UNC50: variants seen among roughly 807,000 people sequenced by gnomAD.
UNC50 encodes the protein protein unc-50 homolog.
Under a neutral mutation model 31.5 loss-of-function variants are expected in UNC50, and 24 were observed. The observed-to-expected ratio is 0.76, with a 90% confidence interval of 0.55 to 1.07. The LOEUF is 1.07. Ranked by LOEUF, UNC50 falls within the 50% of genes least tolerant of loss-of-function variation. UNC50 has a pLI of 0.00. For missense variants in UNC50, 245 were observed against 304.2 expected, an observed-to-expected ratio of 0.81 and a Z score of 1.45; for synonymous variants, 118 against 114.7, an observed-to-expected ratio of 1.03 and a Z score of -0.18.
At position 98,614,544 on chromosome 2, in the gene UNC50, G is replaced by C. The variant is rs558767354; in HGVS notation, c.402-1663G>C. On this transcript the variant is annotated intron_variant, in intron 3 of 5. Transcript: ENST00000357765. ...GGGCCATGATGAGCCTCTGACTGGC[G>C]TTAATATGGAGCTGGGAGGTGAAAA... is the stretch of plus-strand genomic sequence containing the variant. Among the ~76,000 whole-genome samples, 25 of 152,284 alleles carry C rather than the reference G, an allele frequency of 1.6e-4. No homozygotes were observed. In the South Asian group the frequency reaches 5.2e-3, roughly 32 times the overall value.
At chr2:98,610,976 G>A (rs914665093) in intron 3 of UNC50, 81 bp downstream of exon 3, 1 of 1,465,926 alleles carries the variant, frequency 6.8e-7, no homozygotes, top group Non-Finnish European at 9.1e-7. Context: ...AGCAGCAGAT[G>A]GAAATTGAAA....
chr2:98,618,003 G>GGAA (rs1700961480), intron 5 of UNC50, 165 bp from the exon 6 acceptor site: 3 of 718,180 alleles, frequency 4.2e-6, no homozygotes, highest in East Asian at 2.9e-5. Context: ...AGAGGGGTTG[G>GGAA]GAAGAGTAGT....
intron 3 of UNC50, among the ~76,000 whole-genome samples, chr2:98,614,394 A>G (rs1700887297): frequency 6.6e-6 from 1 of 152,180 alleles, no homozygotes; most frequent in African/African-American, 2.4e-5. Flanking sequence ...TAGATGACTG[A>G]GGAAGCAGCA....
At chr2:98,611,400 TTC>T (rs1314857325) in intron 3 of UNC50, among the ~76,000 whole-genome samples, 1 of 152,226 alleles carries the variant, frequency 6.6e-6, no homozygotes, top group East Asian at 1.9e-4. Context: ...TGATCTGCCT[TTC>T]ACTGAATACA....
At chr2:98,610,220 T>TG (rs1700802551) in intron 2 of UNC50, among the ~76,000 whole-genome samples, 181 bp downstream of exon 2, 1 of 152,188 alleles carries the variant, frequency 6.6e-6, no homozygotes, top group African/African-American at 2.4e-5. Flanking sequence ...CCCAAGCAGA[T>TG]GCCAGAGTAA....
At chr2:98,611,729 T>G (rs1312584036) in intron 3 of UNC50, among the ~76,000 whole-genome samples, 2 of 152,190 alleles carry the variant, frequency 1.3e-5, no homozygotes, top group African/African-American at 4.8e-5. Flanking sequence ...ATTTAGCCAG[T>G]TCTGCTTAAG....
At chr2:98,608,747 T>G (rs1700757110) in intron 1 of UNC50, 21 bp downstream of exon 1, 1 of 342,836 alleles carries the variant, frequency 2.9e-6, no homozygotes, top group East Asian at 8.0e-5. Flanking sequence ...AGGACCACTC[T>G]GCCCTCCCGC....
At chr2:98,614,842 G>A (rs562174125) in intron 3 of UNC50, among the ~76,000 whole-genome samples, 2 of 152,260 alleles carry the variant, frequency 1.3e-5, no homozygotes, top group East Asian at 3.9e-4. Context: ...GAAATGCAGG[G>A]ACTGTTAACA....
At chr2:98,615,748 G>A (rs1208314660) in intron 3 of UNC50, among the ~76,000 whole-genome samples, 3 of 152,160 alleles carry the variant, frequency 2.0e-5, no homozygotes, top group South Asian at 2.1e-4. Flanking sequence ...GGCTTCTCAC[G>A]TCACCAGGAA....
intron 3 of UNC50, among the ~76,000 whole-genome samples, chr2:98,612,852 C>G (rs1447823033): frequency 6.6e-6 from 1 of 152,214 alleles, no homozygotes; most frequent in Non-Finnish European, 1.5e-5. Flanking sequence ...GTACTGTAGT[C>G]TTTTAAGTGT....
At chr2:98,618,073 C>T in intron 5 of UNC50, 95 bp from the exon 6 acceptor site, 1 of 1,281,948 alleles carries the variant, frequency 7.8e-7, no homozygotes, top group Non-Finnish European at 1.0e-6. Context: ...CCCTTCCACC[C>T]CACATGTTGA....
In UNC50 at chr2:98,615,085, G is replaced by C. The variant is rs569174974; in HGVS notation, c.402-1122G>C. Among the ~76,000 whole-genome samples the C allele has an allele frequency of 9.8e-5, 15 of 152,306 alleles. No individual in the cohort carries two copies. The East Asian group carries it at 2.7e-3, about 27-fold the overall frequency. ...AACTAGTAGGCCATGTTGTAGAACA[G>C]TGACATACACTTGAATAATTGTTCT... On this transcript the variant is annotated intron_variant, in intron 3 of 5. Transcript: ENST00000357765.
chr2:98,613,040 TTC>T (rs1700862158), intron 3 of UNC50, among the ~76,000 whole-genome samples: 3 of 152,328 alleles, frequency 2.0e-5, no homozygotes, highest in African/African-American at 7.2e-5. Flanking sequence ...AAACTACAGT[TTC>T]TGTGAAGCGC....
chr2:98,618,309 T>G lies in UNC50; in HGVS notation c.*5T>G. The G allele has an allele frequency of 6.3e-7, 1 of 1,587,906 alleles. No homozygotes were observed. The highest frequency in any genetic ancestry group is 8.5e-7 in the Non-Finnish European group (1 of 1,172,568). Reference sequence around the variant, plus strand: ...TATAAGTACAGAGTGAAATAAAAAGTGAGAAGAAGATTCAATCGTAACTGT... The same window carrying G: ...TATAAGTACAGAGTGAAATAAAAAGGGAGAAGAAGATTCAATCGTAACTGT... On this transcript the variant is annotated 3_prime_UTR_variant, in exon 6 of 6. Transcript: ENST00000357765.
chr2:98,614,012 G>A (rs1700880358), intron 3 of UNC50, among the ~76,000 whole-genome samples: 1 of 152,222 alleles, frequency 6.6e-6, no homozygotes, highest in Non-Finnish European at 1.5e-5. Context: ...CTGGGGAAGA[G>A]ATGTGACTAG....
Position 98,618,229 on chromosome 2 carries a change from C to G in UNC50, c.705C>G (p.Leu235=). The change falls in exon 6 of 6, where the codon CTC becomes CTG. Residue 235 remains leucine, a synonymous_variant. Transcript: ENST00000357765. ...ATCCATTTGCACCTCTGATTCTGCT[C>G]TACGGGCTTTCCCTGGCACTGGGAT... ...LLYPFAPLIL[L]YGLSLALGWN... 6.2e-7 allele frequency: 1 copy of G among 1,611,714 alleles called. No homozygotes were observed. The highest frequency in any genetic ancestry group is 8.5e-7 in the Non-Finnish European group (1 of 1,179,294).
intron 2 of UNC50, 61 bp downstream of exon 2, chr2:98,610,100 A>G (rs1700800205): frequency 6.7e-7 from 1 of 1,494,444 alleles, no homozygotes; most frequent in African/African-American, 1.4e-5. Context: ...ATTTTTTGTT[A>G]TAAATGTGTT....
intron 3 of UNC50, among the ~76,000 whole-genome samples, chr2:98,615,095 C>A (rs1039105542): frequency 6.6e-6 from 1 of 152,202 alleles, no homozygotes; most frequent in Non-Finnish European, 1.5e-5. Flanking sequence ...GTGACATACA[C>A]TTGAATAATT....
chr2:98,616,136 G>C, intron 3 of UNC50, 71 bp from the exon 4 acceptor site: 1 of 1,469,238 alleles, frequency 6.8e-7, no homozygotes, highest in South Asian at 1.3e-5. Flanking sequence ...AATGTCTGCC[G>C]CATAGAAAGT....
Sources: gnomAD v4.1 joint callset for allele counts (sites outside exome capture counted in the v4.1 genomes callset) on GRCh38, gnomAD v4.1.1 for gene constraint, MANE v1.5 for transcripts, NCBI Gene and HGNC (gene_info 2026-07-23, HGNC 2026-07-21) for gene names.